The following H2BC18 variants were observed in gnomAD, a reference collection of about 807,000 sequenced individuals.
H2BC18 encodes histone H2B type 2-F.
In H2BC18, 8 loss-of-function variants were observed where a neutral mutation model predicts 6.3. The observed-to-expected ratio is 1.28, with a 90% CI of 0.75 to 2.31. The LOEUF is 2.31. Among genes scored for constraint, H2BC18 ranks in the 30% most tolerant of loss-of-function variants. The pLI, the probability that H2BC18 is intolerant of heterozygous loss-of-function variation, is 0.00. For missense variants in H2BC18, 106 were observed against 174.5 expected, an observed-to-expected ratio of 0.61 and a Z score of 2.21; for synonymous variants, 104 against 78.1, an observed-to-expected ratio of 1.33 and a Z score of -1.75.
chr1:149,790,290 G>A lies in H2BC18; in HGVS notation c.378-7030C>T, dbSNP rs587727639. 1.0e-3 allele frequency: 1,644 copies of A among 1,586,368 alleles called. 6 individuals are homozygous for A. The African/African-American group carries it at 0.02, about 19-fold the overall frequency. ...ATACTGGTGCGAGGCTGCCACAGAG[G>A]ATGGAAATGTCCTTAAGCGCAGCCC... On this transcript the variant is annotated intron_variant, in intron 1 of 1. Transcript: ENST00000545683.
chr1:149,785,879 T>C (rs2091536288), intron 1 of H2BC18: 1 of 152,112 alleles, frequency 6.6e-6, no homozygotes, highest in Non-Finnish European at 1.5e-5. Flanking sequence ...GAACTTCATA[T>C]AAAGGGCTAC....
At chr1:149,807,753 G>T (rs1318653219), downstream of H2BC18, among the ~76,000 whole-genome samples, 2 of 152,030 alleles carry the variant, frequency 1.3e-5, no homozygotes, top group Non-Finnish European at 2.9e-5. Flanking sequence ...GCAGTGAGCC[G>T]AGATTGTGCC....
At chr1:149,806,414 C>T (rs1553753871) in intron 1 of H2BC18, among the ~76,000 whole-genome samples, 2 of 152,038 alleles carry the variant, frequency 1.3e-5, no homozygotes, top group Non-Finnish European at 2.9e-5. Flanking sequence ...CAGTGAAACC[C>T]CGTCTCTACT....
downstream of H2BC18, among the ~76,000 whole-genome samples, chr1:149,808,052 G>A (rs1488566516): frequency 4.0e-5 from 6 of 151,852 alleles, no homozygotes; most frequent in African/African-American, 1.5e-4. Context: ...ATTTTCTTAA[G>A]CAATATTTTA....
At position 149,812,278 on chromosome 1, in the gene H2BC18, T is replaced by A; in HGVS notation, c.46A>T (p.Lys16Ter). The change falls in exon 1 of 1, where the codon AAA (lysine) becomes TAA (stop). Residue 16 changes from lysine to a stop codon, truncating the protein, a stop_gained. Coordinates refer to ENST00000369167, the MANE Select transcript of H2BC18 (RefSeq NM_001024599.5). LOFTEE classifies it high-confidence loss of function. ...TTCTGCACTTTCGTAACAGCCTTTT[T>A]GGAGCCCTTCTTGGGAGCAGGAGCG... The part of the protein sequence containing the change: ...KSAPAPKKGS[K>*]KAVTKVQKKD... 1 of 1,614,238 alleles carries A rather than the reference T, an allele frequency of 6.2e-7. No homozygotes were observed. Among genetic ancestry groups the A allele is most frequent in the Non-Finnish European group, 8.5e-7 (1 of 1,180,030 alleles).
intron 1 of H2BC18, chr1:149,803,507 C>A (rs2091891847): frequency 6.6e-6 from 1 of 152,104 alleles, no homozygotes; most frequent in Non-Finnish European, 1.5e-5. Context: ...TAGTGCTGCT[C>A]CAGTACCTAG....
chr1:149,811,654 C>G (rs1559757520), downstream of H2BC18: 16 of 494,864 alleles, frequency 3.2e-5, no homozygotes, highest in Non-Finnish European at 5.8e-5. Flanking sequence ...TCCCTCCATC[C>G]CTCCCAAATA....
At chr1:149,811,698 G>C (rs2091976386), downstream of H2BC18, 8 of 623,516 alleles carry the variant, frequency 1.3e-5, no homozygotes. Context: ...GAATCTCGTA[G>C]CACAGATAAC....
chr1:149,793,345 G>A (rs1440350604), intron 1 of H2BC18: 1 of 1,146,998 alleles, frequency 8.7e-7, no homozygotes, highest in African/African-American at 1.7e-5. Flanking sequence ...AAAGCAGGAA[G>A]GGAGCTGGCT....
At chr1:149,811,156 AG>A (rs1373037226), downstream of H2BC18, 1 of 151,796 alleles carries the variant, frequency 6.6e-6, no homozygotes, top group African/African-American at 2.4e-5. Flanking sequence ...CAATCACCAA[AG>A]ATCGACATTA....
At chr1:149,804,797 A>G (rs879998101) in intron 1 of H2BC18, among the ~76,000 whole-genome samples, 12 of 152,064 alleles carry the variant, frequency 7.9e-5, no homozygotes, top group Non-Finnish European at 1.6e-4. Context: ...CAACAAGTAA[A>G]GAAAGTTTTC....
chr1:149,801,941 C>T (rs1482312265), intron 1 of H2BC18, among the ~76,000 whole-genome samples: 1 of 152,040 alleles, frequency 6.6e-6, no homozygotes, highest in Non-Finnish European at 1.5e-5. Context: ...CTTTCCCCCA[C>T]AAACACATCT....
chr1:149,790,289 G>T, intron 1 of H2BC18: 1 of 1,586,078 alleles, frequency 6.3e-7, no homozygotes, highest in Non-Finnish European at 8.6e-7. Context: ...CTGCCACAGA[G>T]GATGGAAATG....
chr1:149,793,553 A>AGGGGTGGT (rs2091764052), intron 1 of H2BC18, among the ~76,000 whole-genome samples: 2 of 151,898 alleles, frequency 1.3e-5, no homozygotes, highest in Admixed American at 1.3e-4. Context: ...TCGGACTTAG[A>AGGGGTGGT]GGGGTGGTGG....
chr1:149,797,656 G>A (rs1553752910), intron 1 of H2BC18, among the ~76,000 whole-genome samples: 1 of 152,132 alleles, frequency 6.6e-6, no homozygotes, highest in Admixed American at 6.5e-5. Context: ...GGAGTGCAGT[G>A]GCATGATCTC....
chr1:149,807,752 C>T (rs587737155), downstream of H2BC18, among the ~76,000 whole-genome samples: 2,069 of 148,462 alleles, frequency 0.014, 44 homozygotes, highest in African/African-American at 0.046. Context: ...TGCAGTGAGC[C>T]GAGATTGTGC....
chr1:149,799,440 C>T (rs1156770094), intron 1 of H2BC18, among the ~76,000 whole-genome samples: 2 of 152,160 alleles, frequency 1.3e-5, no homozygotes, highest in Non-Finnish European at 2.9e-5. Flanking sequence ...TAGGACCTTG[C>T]AATCTAAGGA....
At chr1:149,798,903 A>G (rs1312100476) in intron 1 of H2BC18, among the ~76,000 whole-genome samples, 2 of 151,834 alleles carry the variant, frequency 1.3e-5, no homozygotes, top group African/African-American at 4.8e-5. Context: ...GTGACCCACC[A>G]TGTAAGCCCA....
chr1:149,806,946 G>T (rs587752711), downstream of H2BC18, among the ~76,000 whole-genome samples: 146 of 152,204 alleles, frequency 9.6e-4, no homozygotes, highest in African/African-American at 3.3e-3. Context: ...TTCTGTTGAG[G>T]AGGAGTATGG....
Sources: gnomAD v4.1 joint callset for allele counts (sites outside exome capture counted in the v4.1 genomes callset) on GRCh38, gnomAD v4.1.1 for gene constraint, MANE v1.5 for transcripts, NCBI Gene and HGNC (gene_info 2026-07-23, HGNC 2026-07-21) for gene names.